The following NPAS3 variants were observed in gnomAD, a reference collection of about 807,000 sequenced individuals.
NPAS3 encodes the protein neuronal PAS domain protein 3, also known as neuronal PAS domain-containing protein 3.
A neutral mutation model predicts 73.1 loss-of-function variants in NPAS3; 14 were observed. The ratio of observed to expected loss-of-function variants is 0.19; its 90% CI spans 0.13 to 0.30. NPAS3 has a LOEUF of 0.30. NPAS3 is among the 10% of genes least tolerant of loss of function. The pLI, the probability that NPAS3 is intolerant of heterozygous loss-of-function variation, is 1.00. For missense variants in NPAS3, 1,096 were observed against 1,250.0 expected (o/e 0.88, Z 1.86); for synonymous variants, 620 against 541.5 (o/e 1.14, Z -2.01).
intron 3 of NPAS3, among the ~76,000 whole-genome samples, chr14:33,294,347 A>AT (rs554224413): frequency 4.6e-5 from 7 of 152,118 alleles, no homozygotes; most frequent in East Asian, 3.9e-4. Flanking sequence ...CCAGGGCCTC[A>AT]TTTTTTTGAC....
At chr14:33,220,804 A>T (rs1321450337) in intron 3 of NPAS3, among the ~76,000 whole-genome samples, 1 of 152,198 alleles carries the variant, frequency 6.6e-6, no homozygotes, top group Non-Finnish European at 1.5e-5. Flanking sequence ...GCCACTGTTC[A>T]AGAGTTTGGC....
At chr14:33,773,139 C>A (rs1000974201) in intron 7 of NPAS3, among the ~76,000 whole-genome samples, 1 of 152,164 alleles carries the variant, frequency 6.6e-6, no homozygotes, top group Non-Finnish European at 1.5e-5. Flanking sequence ...GGAAGGAGAG[C>A]AGACGCGAGA....
intron 2 of NPAS3, among the ~76,000 whole-genome samples, chr14:33,161,042 A>G (rs11625699): frequency 0.085 from 12,907 of 152,046 alleles, 589 homozygotes; most frequent in East Asian, 0.13. Context: ...AAGATAACAG[A>G]TACTTTAGTA....
chr14:33,443,904 G>A (rs940635685), intron 4 of NPAS3, among the ~76,000 whole-genome samples: 7 of 152,178 alleles, frequency 4.6e-5, no homozygotes, highest in Admixed American at 6.5e-5. Context: ...CTTCTGGTAT[G>A]AGAAAGTTAA....
intron 7 of NPAS3, among the ~76,000 whole-genome samples, chr14:33,737,153 T>A (rs1566484068): frequency 6.6e-6 from 1 of 152,206 alleles, no homozygotes; most frequent in Non-Finnish European, 1.5e-5. Context: ...CACTAGGCTA[T>A]ACTGCTATGC....
At chr14:33,429,329 G>C (rs2048686216) in intron 4 of NPAS3, among the ~76,000 whole-genome samples, 1 of 152,120 alleles carries the variant, frequency 6.6e-6, no homozygotes, top group South Asian at 2.1e-4. Context: ...TTAAATCCAG[G>C]ATGGTGGTGG....
chr14:33,057,618 A>T (rs2040937131), intron 2 of NPAS3, among the ~76,000 whole-genome samples: 1 of 152,226 alleles, frequency 6.6e-6, no homozygotes, highest in African/African-American at 2.4e-5. Context: ...AATTTGGCGC[A>T]TAGTAAGGCT....
At chr14:33,551,879 C>T (rs192165809) in intron 4 of NPAS3, among the ~76,000 whole-genome samples, 85 of 152,340 alleles carry the variant, frequency 5.6e-4, no homozygotes, top group African/African-American at 2.0e-3. Flanking sequence ...CAAAACAACA[C>T]CAACCTGCAA....
intron 1 of NPAS3, among the ~76,000 whole-genome samples, chr14:33,038,829 G>T (rs1470786167): frequency 6.6e-6 from 1 of 152,180 alleles, no homozygotes; most frequent in Non-Finnish European, 1.5e-5. Context: ...AGTCAAGGCA[G>T]TATACAAGGT....
chr14:33,569,068 G>A (rs959923374), intron 5 of NPAS3, among the ~76,000 whole-genome samples: 5 of 151,902 alleles, frequency 3.3e-5, no homozygotes, highest in Admixed American at 1.3e-4. Flanking sequence ...TATGGCTTTC[G>A]TGCCTACTGC....
intron 4 of NPAS3, among the ~76,000 whole-genome samples, chr14:33,536,735 T>C (rs770161818): frequency 2.0e-5 from 3 of 152,122 alleles, no homozygotes; most frequent in Non-Finnish European, 4.4e-5. Context: ...CTTTCAGATA[T>C]GGTAAAAAGA....
At chr14:33,695,390 A>G (rs1470027025) in intron 6 of NPAS3, among the ~76,000 whole-genome samples, 2 of 152,174 alleles carry the variant, frequency 1.3e-5, no homozygotes, top group Non-Finnish European at 2.9e-5. Flanking sequence ...AAAATAATAC[A>G]CTGTCTAATA....
intron 1 of NPAS3, among the ~76,000 whole-genome samples, chr14:33,033,533 G>T (rs1408180279): frequency 6.6e-6 from 1 of 152,012 alleles, no homozygotes; most frequent in Non-Finnish European, 1.5e-5. Flanking sequence ...ACTACATATT[G>T]TCTTTGTCTT....
intron 3 of NPAS3, among the ~76,000 whole-genome samples, chr14:33,223,787 T>A (rs1219294916): frequency 1.3e-5 from 2 of 152,086 alleles, no homozygotes; most frequent in East Asian, 3.9e-4. Flanking sequence ...TTAATTCCCC[T>A]GTACATGGAG....
intron 2 of NPAS3, among the ~76,000 whole-genome samples, chr14:33,183,610 A>AATGTTGCAT (rs1156937534): frequency 8.9e-4 from 134 of 151,382 alleles, no homozygotes; most frequent in African/African-American, 2.9e-3. Context: ...TCCCAACTGA[A>AATGTTGCAT]ATGTTGCATA....
intron 4 of NPAS3, among the ~76,000 whole-genome samples, chr14:33,449,844 A>G (rs1336626459): frequency 6.6e-6 from 1 of 152,174 alleles, no homozygotes; most frequent in African/African-American, 2.4e-5. Context: ...AATAGCACTT[A>G]ATCAGTGATA....
At chr14:33,111,570 TAAAAG>T (rs987502677) in intron 2 of NPAS3, among the ~76,000 whole-genome samples, 1 of 152,040 alleles carries the variant, frequency 6.6e-6, no homozygotes, top group African/African-American at 2.4e-5. Flanking sequence ...TTTCCCAAAA[TAAAAG>T]AGATGTGTTA....
intron 11 of NPAS3, among the ~76,000 whole-genome samples, chr14:33,798,916 G>A (rs985394243): frequency 1.4e-5 from 2 of 147,410 alleles, no homozygotes; most frequent in African/African-American, 2.5e-5. Flanking sequence ...TGAGGTGGGC[G>A]CATTGCTTGA....
chr14:33,082,587 T>C (rs570155711), intron 2 of NPAS3, among the ~76,000 whole-genome samples: 79 of 152,322 alleles, frequency 5.2e-4, no homozygotes, highest in African/African-American at 1.8e-3. Context: ...TTTATCAAAA[T>C]TGCATTATAT....
Sources: allele counts gnomAD v4.1 joint callset (sites outside exome capture counted in the v4.1 genomes callset), GRCh38; gene constraint gnomAD v4.1.1; transcripts MANE v1.5; gene names NCBI Gene and HGNC (gene_info 2026-07-23, HGNC 2026-07-21).